The following ARHGAP6 variants were observed in gnomAD, a reference collection of about 807,000 sequenced individuals.
The protein encoded by ARHGAP6 is Rho GTPase activating protein 6.
In ARHGAP6, 16 loss-of-function variants were observed where a neutral mutation model predicts 55.7. That is an observed-to-expected ratio of 0.29 (90% CI 0.19 to 0.44). ARHGAP6 has a LOEUF of 0.44. ARHGAP6 is among the 20% of genes least tolerant of loss of function. ARHGAP6 has a pLI of 1.00. For missense variants in ARHGAP6, 698 were observed against 808.9 expected (o/e 0.86, Z 1.66); for synonymous variants, 382 against 360.9 (o/e 1.06, Z -0.66).
chrX:11,350,340 A>T (rs2048847040), intron 1 of ARHGAP6, among the ~76,000 whole-genome samples: 4 of 112,255 alleles, frequency 3.6e-5, no homozygotes, highest in Non-Finnish European at 7.5e-5. Context: ...ATAACCCTAA[A>T]ATATAATTTT....
intron 1 of ARHGAP6, among the ~76,000 whole-genome samples, chrX:11,484,456 G>A (rs748694941): frequency 2.1e-4 from 22 of 105,964 alleles, no homozygotes; most frequent in Non-Finnish European, 7.8e-5. Flanking sequence ...AGGAGGACAA[G>A]GAGGAAGATG....
intron 1 of ARHGAP6, among the ~76,000 whole-genome samples, chrX:11,521,743 T>G: frequency 9.0e-6 from 1 of 110,904 alleles, no homozygotes; most frequent in Non-Finnish European, 1.9e-5. Flanking sequence ...ATAAATTACC[T>G]TGGGCAGTAT....
At chrX:11,419,080 C>A (rs2049789071) in intron 1 of ARHGAP6, among the ~76,000 whole-genome samples, 1 of 112,135 alleles carries the variant, frequency 8.9e-6, no homozygotes, top group African/African-American at 3.2e-5. Flanking sequence ...CTGTTCCAGT[C>A]TATCCCTGCT....
intron 1 of ARHGAP6, among the ~76,000 whole-genome samples, chrX:11,646,758 T>C (rs761076521): frequency 8.9e-6 from 1 of 112,117 alleles, no homozygotes; most frequent in African/African-American, 3.2e-5. Context: ...AGACATGACA[T>C]AAGCCAAACA....
At chrX:11,548,884 C>T (rs1356213565) in intron 1 of ARHGAP6, among the ~76,000 whole-genome samples, 4 of 112,231 alleles carry the variant, frequency 3.6e-5, no homozygotes, top group South Asian at 3.7e-4. Flanking sequence ...GCTGGAATTA[C>T]GGGCATGAGC....
At chrX:11,556,172 C>T (rs755332598) in intron 1 of ARHGAP6, among the ~76,000 whole-genome samples, 11 of 111,958 alleles carry the variant, frequency 9.8e-5, no homozygotes, top group African/African-American at 3.6e-4. Context: ...GCAACAGCAG[C>T]ACCATCAATG....
intron 1 of ARHGAP6, among the ~76,000 whole-genome samples, chrX:11,306,271 C>T (rs191712811): frequency 3.0e-4 from 34 of 112,335 alleles, no homozygotes; most frequent in Admixed American, 2.7e-3. Context: ...CAGAGGTTTC[C>T]CAGGATATGT....
intron 1 of ARHGAP6, among the ~76,000 whole-genome samples, chrX:11,276,248 G>C (rs985563224): frequency 9.1e-6 from 1 of 109,889 alleles, no homozygotes; most frequent in African/African-American, 3.3e-5. Context: ...CTATTTTCTT[G>C]ACTCTTATTT....
At chrX:11,181,673 T>A (rs1391616127) in intron 6 of ARHGAP6, among the ~76,000 whole-genome samples, 1 of 112,779 alleles carries the variant, frequency 8.9e-6, no homozygotes, top group East Asian at 2.8e-4. Context: ...AAACATAGCA[T>A]CTTATGTGAA....
chrX:11,563,292 A>G (rs2051407941), intron 1 of ARHGAP6, among the ~76,000 whole-genome samples: 1 of 111,731 alleles, frequency 9.0e-6, no homozygotes, highest in Non-Finnish European at 1.9e-5. Context: ...TTGTGAGCCA[A>G]GAGTTGGAAT....
At chrX:11,468,418 TTCTC>T (rs1334544263) in intron 1 of ARHGAP6, among the ~76,000 whole-genome samples, 1 of 112,225 alleles carries the variant, frequency 8.9e-6, no homozygotes, top group African/African-American at 3.2e-5. Flanking sequence ...GCCTTCTGCC[TTCTC>T]TCTTTCATCG....
chrX:11,493,874 C>T (rs2050596669), intron 1 of ARHGAP6, among the ~76,000 whole-genome samples: 2 of 97,387 alleles, frequency 2.1e-5, no homozygotes, highest in African/African-American at 7.7e-5. Flanking sequence ...TGCTCTGTCA[C>T]CCAGGCTGGA....
intron 2 of ARHGAP6, among the ~76,000 whole-genome samples, chrX:11,211,346 C>T (rs1217743927): frequency 1.9e-5 from 2 of 106,507 alleles, no homozygotes; most frequent in East Asian, 2.9e-4. Flanking sequence ...CTCAGCCTCC[C>T]GAGTAGCTGT....
rs754243098 is a variant in ARHGAP6, at chrX:11,188,756, G to A, written c.1049C>T (p.Pro350Leu). 94 of 1,210,285 alleles carry A rather than the reference G, an allele frequency of 7.8e-5. No individual in the cohort carries two copies. Among genetic ancestry groups the A allele is most frequent in the Non-Finnish European group, 9.5e-5 (85 of 895,188 alleles). The change falls in exon 4 of 13, where the codon CCG becomes CTG. Residue 350 changes from proline to leucine, a missense_variant. Around this residue, in one of 3 missense-constraint regions of ARHGAP6, gnomAD observed 322 missense variants for 451.1 expected, o/e 0.71. Coordinates refer to ENST00000337414, the MANE Select transcript of ARHGAP6 (RefSeq NM_013427.3). ...CCTCCTAGCCCGAGGAGCCGGTTCC[G>A]GGGTGTTTGGGGACGTTGACTCATT... ...TPNESTSPNT[P>L]EPAPRARRRG...
chrX:11,344,878 A>G (rs952081087), intron 1 of ARHGAP6, among the ~76,000 whole-genome samples: 1 of 110,684 alleles, frequency 9.0e-6, no homozygotes, highest in African/African-American at 3.3e-5. Flanking sequence ...CTTACCTGGG[A>G]GAGAGCTGTA....
intron 1 of ARHGAP6, among the ~76,000 whole-genome samples, chrX:11,509,023 A>G (rs1393146238): frequency 9.0e-6 from 1 of 111,722 alleles, no homozygotes; most frequent in Non-Finnish European, 1.9e-5. Flanking sequence ...GGAAAACTTC[A>G]AATTATACCC....
intron 1 of ARHGAP6, among the ~76,000 whole-genome samples, chrX:11,614,764 G>C (rs2052143721): frequency 8.9e-6 from 1 of 111,946 alleles, no homozygotes; most frequent in South Asian, 3.8e-4. Flanking sequence ...GCCACCAAGG[G>C]GGTAAAAATC....
chrX:11,418,935 C>T (rs886623005), intron 1 of ARHGAP6, among the ~76,000 whole-genome samples: 1 of 111,908 alleles, frequency 8.9e-6, no homozygotes, highest in Non-Finnish European at 1.9e-5. Flanking sequence ...CAACACCGAC[C>T]CCCCCTCCCG....
chrX:11,308,100 C>T (rs757643741), intron 1 of ARHGAP6, among the ~76,000 whole-genome samples: 44 of 112,034 alleles, frequency 3.9e-4, no homozygotes, highest in Non-Finnish European at 7.3e-4. Flanking sequence ...ATTGATGTGG[C>T]CTGATCATAT....
Sources: gnomAD v4.1 joint callset for allele counts (sites outside exome capture counted in the v4.1 genomes callset) on GRCh38, gnomAD v4.1.1 for gene constraint, gnomAD v4.1.1 regional missense constraint, MANE v1.5 for transcripts, NCBI Gene and HGNC (gene_info 2026-07-23, HGNC 2026-07-21) for gene names.